TTBK2: variants seen among roughly 807,000 people sequenced by gnomAD.
The protein encoded by TTBK2 is tau tubulin kinase 2.
TTBK2 carries 28 observed loss-of-function variants against 110.8 expected under a neutral mutation model. That is an observed-to-expected ratio of 0.25 (90% confidence interval 0.19 to 0.35). TTBK2 has a LOEUF of 0.35. TTBK2 is among the 10% of genes least tolerant of loss of function. The pLI is 1.00. For synonymous variants in TTBK2, 532 were observed against 527.3 expected, an observed-to-expected ratio of 1.01 and a Z score of -0.12; for missense variants, 1,369 against 1,500.3, an observed-to-expected ratio of 0.91 and a Z score of 1.45.
intron 8 of TTBK2, 93 bp downstream of exon 8, chr15:42,811,595 T>C: frequency 3.2e-6 from 3 of 948,066 alleles, no homozygotes; most frequent in Non-Finnish European, 5.0e-6. Context: ...AGATTTTAAG[T>C]CTTATACATA....
chr15:42,895,230 G>A (rs1895619935), intron 1 of TTBK2, among the ~76,000 whole-genome samples: 1 of 152,094 alleles, frequency 6.6e-6, no homozygotes, highest in Non-Finnish European at 1.5e-5. Flanking sequence ...AAAGTTGGAG[G>A]AAACACACTA....
At chr15:42,813,520 A>C (rs762169874) in intron 7 of TTBK2, among the ~76,000 whole-genome samples, 6 of 151,822 alleles carry the variant, frequency 4.0e-5, no homozygotes, top group Non-Finnish European at 7.4e-5. Context: ...AGACTCTCCC[A>C]AAAAATAAAA....
chr15:42,912,648 T>C (rs188617811), intron 1 of TTBK2, among the ~76,000 whole-genome samples: 2 of 150,882 alleles, frequency 1.3e-5, no homozygotes, highest in Admixed American at 6.6e-5. Context: ...GAGGCGGAGG[T>C]TGCAGTGAGC....
At position 42,743,760 on chromosome 15, in the gene TTBK2, A is replaced by G. The variant is rs953223646; in HGVS notation, c.*2035T>C. On this transcript the variant is annotated 3_prime_UTR_variant, in exon 15 of 15. Transcript: ENST00000267890. ...TTTTGAAATGAAAATTAAATAACCT[A>G]TCTTGGCTTGTTAAATACTGCCCAC... The G allele has an allele frequency of 6.6e-6, 1 of 152,158 alleles. No individual in the cohort carries two copies. Among genetic ancestry groups the G allele is most frequent in the Non-Finnish European group, 1.5e-5 (1 of 68,022 alleles). 9.4% of individuals were successfully genotyped at this position (152,158 alleles called of 1,614,324 possible). A position where few individuals can be genotyped will look rare whatever the true frequency, so the allele number is the denominator to read the frequency against.
At chr15:42,829,739 T>C (rs1356490707) in intron 5 of TTBK2, among the ~76,000 whole-genome samples, 199 bp downstream of exon 5, 1 of 152,198 alleles carries the variant, frequency 6.6e-6, no homozygotes, top group Non-Finnish European at 1.5e-5. Context: ...CTCCTGAAAA[T>C]AAGTTGTAGT....
At chr15:42,763,289 C>G (rs1435586877) in intron 13 of TTBK2, among the ~76,000 whole-genome samples, 1 of 132,196 alleles carries the variant, frequency 7.6e-6, no homozygotes, top group African/African-American at 2.9e-5. Context: ...TCTTTGCTCA[C>G]TGCAACCTCC....
At chr15:42,861,683 GA>G (rs896697111) in intron 3 of TTBK2, among the ~76,000 whole-genome samples, 13 of 144,686 alleles carry the variant, frequency 9.0e-5, no homozygotes, top group South Asian at 4.3e-4. Flanking sequence ...GCATAGAATA[GA>G]AAAAAAAAGA....
At chr15:42,902,205 G>C (rs1213173766) in intron 1 of TTBK2, among the ~76,000 whole-genome samples, 1 of 139,898 alleles carries the variant, frequency 7.1e-6, no homozygotes, top group African/African-American at 2.7e-5. Context: ...AACAGAGCGA[G>C]ACTCCATCTC....
At chr15:42,886,104 C>T (rs1285586654) in intron 1 of TTBK2, among the ~76,000 whole-genome samples, 2 of 152,054 alleles carry the variant, frequency 1.3e-5, no homozygotes, top group Non-Finnish European at 2.9e-5. Context: ...TCTTTCTGTC[C>T]TATCTGTTCC....
intron 1 of TTBK2, among the ~76,000 whole-genome samples, chr15:42,888,547 T>C (rs944718554): frequency 2.6e-5 from 4 of 152,172 alleles, no homozygotes; most frequent in Non-Finnish European, 5.9e-5. Context: ...TTGAGGCTAC[T>C]GCTCTGCCCC....
chr15:42,763,188 ATATATTTTTTTTTTTTTTTTTT>A (rs1889175742), intron 13 of TTBK2, among the ~76,000 whole-genome samples: 2 of 24,532 alleles, frequency 8.2e-5, no homozygotes, highest in African/African-American at 4.7e-4. Context: ...ATATATATAT[ATATATTTTTTTTTTTTTTTTTT>A]TTTTTTTTTT....
At chr15:42,904,005 C>A (rs2030224752) in intron 1 of TTBK2, among the ~76,000 whole-genome samples, 1 of 152,160 alleles carries the variant, frequency 6.6e-6, no homozygotes, top group Non-Finnish European at 1.5e-5. Context: ...AACTGAGGCT[C>A]TCAAACAAAC....
At chr15:42,906,901 C>T (rs1023895046) in intron 1 of TTBK2, among the ~76,000 whole-genome samples, 2 of 151,762 alleles carry the variant, frequency 1.3e-5, no homozygotes, top group Admixed American at 6.6e-5. Flanking sequence ...AAAAGACATT[C>T]GGGCCAAGAG....
At chr15:42,788,587 T>G (rs1890510031) in intron 10 of TTBK2, among the ~76,000 whole-genome samples, 1 of 152,194 alleles carries the variant, frequency 6.6e-6, no homozygotes, top group Non-Finnish European at 1.5e-5. Context: ...GACTAAATAT[T>G]AATAAATTTT....
At chr15:42,905,604 G>C (rs903791118) in intron 1 of TTBK2, among the ~76,000 whole-genome samples, 2 of 152,074 alleles carry the variant, frequency 1.3e-5, no homozygotes, top group African/African-American at 4.8e-5. Flanking sequence ...ACATAAGCCA[G>C]ACCAAACAAG....
In TTBK2 at chr15:42,752,288, T is replaced by C. The variant is rs1236697269; in HGVS notation, c.2958A>G (p.Arg986=). Residue 986 remains arginine, a synonymous_variant, in exon 14 of 15, where the codon AGA becomes AGG. Coordinates refer to ENST00000267890, the MANE Select transcript of TTBK2 (RefSeq NM_173500.4). ...GGTCGCCAAGGAAGGACTTGAATTG[T>C]CTTTTTTCCACCAGAAGCTTGACTA... is the stretch of plus-strand genomic sequence containing the variant. ...PDLVKLLVEK[R]QFKSFLGDLS... 6.2e-7 allele frequency: 1 copy of C among 1,614,222 alleles called. No homozygotes were observed. The highest frequency in any genetic ancestry group is 2.2e-5 in the East Asian group (1 of 44,892).
chr15:42,823,572 GT>G (rs1305572245), intron 6 of TTBK2, among the ~76,000 whole-genome samples: 1 of 152,148 alleles, frequency 6.6e-6, no homozygotes, highest in Non-Finnish European at 1.5e-5. Context: ...TTTTGAGGAA[GT>G]TCTTTCGTGG....
chr15:42,856,337 C>T (rs535112577), intron 3 of TTBK2, among the ~76,000 whole-genome samples: 4 of 151,962 alleles, frequency 2.6e-5, no homozygotes, highest in East Asian at 1.9e-4. Context: ...ATCCAGATTT[C>T]GGACTATTTT....
intron 11 of TTBK2, 113 bp from the exon 12 acceptor site, chr15:42,777,355 G>C (rs1889977480): frequency 8.7e-7 from 1 of 1,149,792 alleles, no homozygotes; most frequent in Non-Finnish European, 1.2e-6. Context: ...GTTTTCAGAT[G>C]ATTAGGATAT....
Sources: gnomAD v4.1 joint callset for allele counts (sites outside exome capture counted in the v4.1 genomes callset) on GRCh38, gnomAD v4.1.1 for gene constraint, MANE v1.5 for transcripts, NCBI Gene and HGNC (gene_info 2026-07-23, HGNC 2026-07-21) for gene names.